PDE4D: variants seen among roughly 807,000 people sequenced by gnomAD.
PDE4D encodes the protein phosphodiesterase 4D.
PDE4D carries 24 observed loss-of-function variants against 87.4 expected under a neutral mutation model. That is an observed-to-expected ratio of 0.27 (90% confidence interval 0.20 to 0.39). The LOEUF is 0.39. Among genes scored for constraint, PDE4D ranks in the 10% least tolerant of loss-of-function variants. PDE4D has a pLI of 1.00. For missense variants in PDE4D, 714 were observed against 1,041.0 expected, an observed-to-expected ratio of 0.69 and a Z score of 4.32; for synonymous variants, 384 against 383.2, an observed-to-expected ratio of 1.00 and a Z score of -0.02.
chr5:59,306,554 A>T (rs1771412426), intron 1 of PDE4D, among the ~76,000 whole-genome samples: 1 of 152,154 alleles, frequency 6.6e-6, no homozygotes, highest in Non-Finnish European at 1.5e-5. Context: ...AAGCATTCTT[A>T]TACACCAATA....
chr5:59,680,336 T>A (rs1351416202), intron 1 of PDE4D, among the ~76,000 whole-genome samples: 1 of 152,142 alleles, frequency 6.6e-6, no homozygotes, highest in Non-Finnish European at 1.5e-5. Context: ...ATTTTCTGAT[T>A]TAGATCACAG....
chr5:59,633,631 C>A (rs1831855192), intron 1 of PDE4D, among the ~76,000 whole-genome samples: 2 of 152,136 alleles, frequency 1.3e-5, no homozygotes, highest in South Asian at 4.1e-4. Context: ...TCATATCCAG[C>A]CAAACTAAGC....
chr5:59,255,470 A>G (rs535508464), intron 1 of PDE4D, among the ~76,000 whole-genome samples: 1 of 152,154 alleles, frequency 6.6e-6, no homozygotes, highest in South Asian at 2.1e-4. Context: ...ACTATAAGGT[A>G]AGGGGTTTCT....
At chr5:59,304,367 C>T (rs186354316) in intron 1 of PDE4D, among the ~76,000 whole-genome samples, 9 of 152,162 alleles carry the variant, frequency 5.9e-5, no homozygotes, top group African/African-American at 1.7e-4. Context: ...TTCCTCTTTA[C>T]CGATTTGGAT....
intron 1 of PDE4D, among the ~76,000 whole-genome samples, chr5:59,469,885 C>T (rs1802183446): frequency 3.3e-5 from 5 of 152,054 alleles, no homozygotes; most frequent in Non-Finnish European, 7.4e-5. Flanking sequence ...AGGCATTGCA[C>T]CACAATCATC....
In PDE4D at chr5:59,884,247, T is replaced by A. The variant is rs567340962; in HGVS notation, c.455+8921A>T. Among the ~76,000 whole-genome samples, 4 of 152,112 alleles carry A rather than the reference T, an allele frequency of 2.6e-5. No homozygotes were observed. In the South Asian group the frequency reaches 8.3e-4, roughly 32 times the overall value. On this transcript the variant is annotated intron_variant, in intron 1 of 14. Coordinates refer to ENST00000340635, the MANE Select transcript of PDE4D (RefSeq NM_001104631.2). ...AGTACTGTCTCTGTCTCTGTCTCTCTCTCACTCTACATATATATGTATATA... is the reference window on the plus strand; with the variant it reads ...AGTACTGTCTCTGTCTCTGTCTCTCACTCACTCTACATATATATGTATATA...
At chr5:58,981,201 A>G (rs969910948) in intron 11 of PDE4D, among the ~76,000 whole-genome samples, 1 of 152,132 alleles carries the variant, frequency 6.6e-6, no homozygotes, top group African/African-American at 2.4e-5. Context: ...TCAAGCTGAC[A>G]CATAAAATTA....
At chr5:59,087,031 T>A (rs1053145438) in intron 5 of PDE4D, among the ~76,000 whole-genome samples, 9 of 152,174 alleles carry the variant, frequency 5.9e-5, no homozygotes, top group Admixed American at 3.9e-4. Flanking sequence ...CTGAGAAGTA[T>A]ACAGTTTCCA....
rs199791221 is a variant in PDE4D at position 60,054,810 on chromosome 5, CT to C, written c.43-66094del. On this transcript the variant is annotated intron_variant, in intron 2 of 16. Coordinates refer to the PDE4D transcript ENST00000502484. ...TGTTGTCTTTCCTAGGTATTTCTAC[CT>C]GCAGAAAACAAACTAATAAACAAAA... 7.4e-4 allele frequency among the ~76,000 whole-genome samples: 112 copies of C among 152,050 alleles called. 2 individuals carry two copies. In the East Asian group the frequency reaches 9.5e-3, roughly 13 times the overall value.
At chr5:59,038,993 G>A (rs766356981) in intron 5 of PDE4D, 22 bp from the exon 6 acceptor site, 17 of 1,560,050 alleles carry the variant, frequency 1.1e-5, no homozygotes, top group Middle Eastern at 3.3e-4. Flanking sequence ...CAGGGAAAGG[G>A]GGACTCAGTT....
chr5:59,501,820 G>A (rs1236685523), intron 1 of PDE4D, among the ~76,000 whole-genome samples: 1 of 152,136 alleles, frequency 6.6e-6, no homozygotes, highest in Non-Finnish European at 1.5e-5. Context: ...ATATTGATAG[G>A]CTGAGGCTGA....
intron 1 of PDE4D, among the ~76,000 whole-genome samples, chr5:59,417,585 A>ACTCAAG (rs1793820617): frequency 6.6e-6 from 1 of 151,874 alleles, no homozygotes; most frequent in Admixed American, 6.6e-5. Flanking sequence ...ATGATAGAGC[A>ACTCAAG]CTCAAGCTCA....
intron 1 of PDE4D, among the ~76,000 whole-genome samples, chr5:59,721,270 T>C (rs1381158268): frequency 2.0e-5 from 3 of 152,204 alleles, no homozygotes; most frequent in Admixed American, 6.5e-5. Context: ...ATTATTTCTC[T>C]TCTATTGTCA....
At chr5:59,825,047 C>T (rs1770155922) in intron 1 of PDE4D, among the ~76,000 whole-genome samples, 1 of 152,032 alleles carries the variant, frequency 6.6e-6, no homozygotes, top group Non-Finnish European at 1.5e-5. Flanking sequence ...ATTAATTTAC[C>T]TCATTAGTAA....
intron 5 of PDE4D, among the ~76,000 whole-genome samples, chr5:59,042,654 A>G (rs986434182): frequency 1.3e-5 from 2 of 152,212 alleles, no homozygotes; most frequent in African/African-American, 4.8e-5. Context: ...GGAGAGGGCT[A>G]TGGAACAGCA....
intron 1 of PDE4D, among the ~76,000 whole-genome samples, chr5:59,478,596 C>T (rs1373413466): frequency 6.6e-6 from 1 of 152,036 alleles, no homozygotes; most frequent in African/African-American, 2.4e-5. Context: ...GTTTTCTAAA[C>T]GTTCAAAATC....
intron 5 of PDE4D, among the ~76,000 whole-genome samples, chr5:59,142,809 C>A (rs143212444): frequency 0.029 from 4,368 of 152,118 alleles, 217 homozygotes; most frequent in African/African-American, 0.1. Flanking sequence ...CCCAGCTACT[C>A]GGGAGGCTGA....
intron 1 of PDE4D, among the ~76,000 whole-genome samples, chr5:59,224,945 A>T (rs927843912): frequency 4.6e-5 from 7 of 152,212 alleles, no homozygotes; most frequent in Admixed American, 6.5e-5. Context: ...GTACTTTGTT[A>T]TGCGGCCTGA....
In PDE4D at chr5:60,102,913, C is replaced by T. The variant is rs531063850; in HGVS notation, c.42+82644G>A. 2.6e-5 allele frequency among the ~76,000 whole-genome samples: 4 copies of T among 151,812 alleles called. No homozygotes were observed. In the South Asian group the frequency reaches 8.3e-4, roughly 32 times the overall value. ...CCTGCCAGGAAAAGGAACCTGTCCTCACACTAAATCCATTTTTAGTTTCTT... is the reference window on the plus strand; with the variant it reads ...CCTGCCAGGAAAAGGAACCTGTCCTTACACTAAATCCATTTTTAGTTTCTT... On this transcript the variant is annotated intron_variant, in intron 2 of 16. Transcript: ENST00000502484.
Sources: allele counts gnomAD v4.1 joint callset (sites outside exome capture counted in the v4.1 genomes callset), GRCh38; gene constraint gnomAD v4.1.1; transcripts MANE v1.5; gene names NCBI Gene and HGNC (gene_info 2026-07-23, HGNC 2026-07-21).